PRKCD: variants seen among roughly 807,000 people sequenced by gnomAD.
PRKCD encodes protein kinase C delta type.
In PRKCD, 20 loss-of-function variants were observed where a neutral mutation model predicts 82.2. The ratio of observed to expected loss-of-function variants is 0.24; its 90% CI spans 0.17 to 0.35. The LOEUF (loss-of-function observed/expected upper bound fraction) is 0.35, where lower values mean the gene tolerates loss of function less well. Ranked by LOEUF, PRKCD falls within the 10% of genes least tolerant of loss-of-function variation. PRKCD has a pLI of 1.00. For synonymous variants in PRKCD, 317 were observed against 337.0 expected, an observed-to-expected ratio of 0.94 and a Z score of 0.65; for missense variants, 607 against 899.0, an observed-to-expected ratio of 0.68 and a Z score of 4.15.
intron 2 of PRKCD, among the ~76,000 whole-genome samples, chr3:53,166,522 C>T (rs1156835575): frequency 3.9e-5 from 6 of 152,210 alleles, no homozygotes; most frequent in African/African-American, 1.2e-4. Context: ...GTACGTGCAC[C>T]ACACATGTGG....
At position 53,192,306 on chromosome 3, in the gene PRKCD, C is replaced by T; in HGVS notation, c.*40C>T. The T allele has an allele frequency of 6.2e-7, 1 of 1,603,278 alleles. No homozygotes were observed. The highest frequency in any genetic ancestry group is 8.5e-7 in the Non-Finnish European group (1 of 1,170,880). On this transcript the variant is annotated 3_prime_UTR_variant, in exon 19 of 19. Coordinates refer to ENST00000330452, the MANE Select transcript of PRKCD (RefSeq NM_006254.4). The stretch of plus-strand genomic sequence containing the variant: ...TCAGGCTAGCCCTGCCCTCCACCCA[C>T]ACCTGCCCGCTCCCCACGATAAGCA...
chr3:53,178,771 C>T (rs1215636452), intron 3 of PRKCD, among the ~76,000 whole-genome samples: 3 of 152,232 alleles, frequency 2.0e-5, no homozygotes, highest in African/African-American at 7.2e-5. Context: ...TTCCTCCTCC[C>T]TGGTTGTTTT....
At chr3:53,191,454 A>G (rs1431910137) in intron 18 of PRKCD, among the ~76,000 whole-genome samples, 2 of 152,162 alleles carry the variant, frequency 1.3e-5, no homozygotes, top group African/African-American at 4.8e-5. Flanking sequence ...ATAGGTTCAA[A>G]TTCCATTAAA....
chr3:53,166,590 A>T (rs1553663886), intron 2 of PRKCD, among the ~76,000 whole-genome samples: 1 of 152,224 alleles, frequency 6.6e-6, no homozygotes, highest in Non-Finnish European at 1.5e-5. Context: ...ACACACACAC[A>T]GATGCTCTCC....
At chr3:53,165,373 G>A (rs185262058) in intron 2 of PRKCD, among the ~76,000 whole-genome samples, 158 bp downstream of exon 2, 21 of 152,366 alleles carry the variant, frequency 1.4e-4, no homozygotes, top group Non-Finnish European at 2.4e-4. Flanking sequence ...GCAGCTGTTT[G>A]CCCTGTCTAT....
chr3:53,163,471 C>A (rs1358840965), intron 1 of PRKCD, among the ~76,000 whole-genome samples: 1 of 151,840 alleles, frequency 6.6e-6, no homozygotes, highest in African/African-American at 2.4e-5. Context: ...GTGTTGTGAC[C>A]AAGACCTCGG....
rs560375784 is a variant in PRKCD at position 53,186,250 on chromosome 3, C to T, written c.1170C>T (p.Asp390=). The change falls in exon 13 of 19, where the codon GAC becomes GAT. Residue 390 remains aspartate (D), a synonymous_variant. Transcript: ENST00000330452. ...LKKDVVLIDD[D]VECTMVEKRV... ...AGGATGTGGTCCTGATCGACGACGA[C>T]GTGGAGTGCACCATGGTTGAGAAGC... 51 of 1,614,174 alleles carry T rather than the reference C, an allele frequency of 3.2e-5. No individual in the cohort carries two copies. Among genetic ancestry groups the T allele is most frequent in the African/African-American group, 1.5e-4 (11 of 75,050 alleles).
Position 53,178,515 on chromosome 3 carries a change from G to C in PRKCD, c.93G>C (p.Lys31Asn). 2 of 1,613,202 alleles carry C rather than the reference G, an allele frequency of 1.2e-6. No individual in the cohort carries two copies. Among genetic ancestry groups the C allele is most frequent in the Middle Eastern group, 1.8e-4 (1 of 5,680 alleles). The change falls in exon 3 of 19, where the codon AAG (lysine) becomes AAC (asparagine). Residue 31 changes from lysine to asparagine, a missense_variant. This residue lies in a region of PRKCD where 161 missense variants were observed against 227.0 expected (regional missense o/e 0.71). Transcript: ENST00000330452. ...CGAACCAGCCCTTCTGTGCCGTGAAGATGAAGGAGGCGCTCAGCACAGGTA... is the reference window on the plus strand; with the variant it reads ...CGAACCAGCCCTTCTGTGCCGTGAACATGAAGGAGGCGCTCAGCACAGGTA... ...DEANQPFCAV[K>N]MKEALSTERG...
chr3:53,189,184 C>T lies in PRKCD; in HGVS notation c.1681C>T (p.Arg561Cys). 9.3e-6 allele frequency: 15 copies of T among 1,611,528 alleles called. No homozygotes were observed. The highest frequency in any genetic ancestry group is 1.3e-5 in the African/African-American group (1 of 74,994). ...TGAGGATGAACTCTTCGAGTCCATC[C>T]GTGTGGACACGCCACATTATCCCCG... ...DDEDELFESIRVDTPHYPRWI... is the reference protein window; with the variant it reads ...DDEDELFESICVDTPHYPRWI... Residue 561 changes from arginine (R) to cysteine (C), a missense_variant, in exon 17 of 19, where the codon CGT becomes TGT. Physicochemically the swap from Arg to Cys is radical, Grantham distance 180 (BLOSUM62 -3). Coordinates refer to ENST00000330452, the MANE Select transcript of PRKCD (RefSeq NM_006254.4).
intron 9 of PRKCD, among the ~76,000 whole-genome samples, chr3:53,184,479 C>T (rs1214402693): frequency 1.3e-5 from 2 of 152,046 alleles, no homozygotes; most frequent in Non-Finnish European, 2.9e-5. Context: ...AGTTCGAGAC[C>T]AGCCTGGCTA....
intron 18 of PRKCD, 90 bp downstream of exon 18, chr3:53,190,091 C>A: frequency 6.5e-7 from 1 of 1,545,658 alleles, no homozygotes; most frequent in Non-Finnish European, 8.8e-7. Flanking sequence ...CTTTCCACCT[C>A]TCCCTTCTTC....
rs981047450 is a variant in PRKCD, at chr3:53,169,023, A to T, written c.-20+3808A>T. On this transcript the variant is annotated intron_variant, in intron 2 of 18. Transcript: ENST00000330452. This position sits in a 1 kb window ranked among gnomAD's most constrained non-coding sequence, Gnocchi z 4.7. ...AGAGGATGGAGAGCAGTCAGAAGAC[A>T]GGTGCAGAGCCTGGGGATGGTGGTG... is the stretch of plus-strand genomic sequence containing the variant. Among the ~76,000 whole-genome samples, 2 of 152,076 alleles carry T rather than the reference A, an allele frequency of 1.3e-5. No individual in the cohort carries two copies. Among genetic ancestry groups the T allele is most frequent in the Admixed American group, 6.5e-5 (1 of 15,270 alleles).
At chr3:53,165,597 CTCA>C (rs1287999571) in intron 2 of PRKCD, among the ~76,000 whole-genome samples, 1 of 152,222 alleles carries the variant, frequency 6.6e-6, no homozygotes, top group Non-Finnish European at 1.5e-5. Flanking sequence ...TCAAACTCAC[CTCA>C]TCATCACACA....
chr3:53,183,066 A>G, intron 7 of PRKCD, 55 bp from the exon 8 acceptor site: 1 of 1,578,560 alleles, frequency 6.3e-7, no homozygotes, highest in Non-Finnish European at 8.7e-7. Flanking sequence ...CAGCTCATAG[A>G]CTCTGCCCCT....
At position 53,169,104 on chromosome 3, in the gene PRKCD, C is replaced by T. The variant is rs548774860; in HGVS notation, c.-20+3889C>T. Among the ~76,000 whole-genome samples, 1,193 of 152,072 alleles carry T rather than the reference C, an allele frequency of 7.8e-3. 12 individuals are homozygous for T. The highest frequency in any genetic ancestry group is 7.6e-3 in the Non-Finnish European group (519 of 67,974). ...AGGCTGCAGCGGCAGACGGGATGGC[C>T]TTATTGTGTGGGGAGCAGGGGGAGC... On this transcript the variant is annotated intron_variant, in intron 2 of 18. Transcript: ENST00000330452. The surrounding 1 kb of genome is among the most constrained non-coding windows in gnomAD (Gnocchi z 4.7).
In PRKCD at chr3:53,169,251, AGCCAGGGAGGCAGGTGGG is replaced by A. The variant is rs1310027482; in HGVS notation, c.-20+4041_-20+4058del. ...TCTTCTGGAGTCATTCATGTGGTGA[AGCCAGGGAGGCAGGTGGG>A]GCCACAAGCCTGAAGTTCAGGAGGG... On this transcript the variant is annotated intron_variant, in intron 2 of 18. Coordinates refer to ENST00000330452, the MANE Select transcript of PRKCD (RefSeq NM_006254.4). This position sits in a 1 kb window ranked among gnomAD's most constrained non-coding sequence, Gnocchi z 4.7. Among the ~76,000 whole-genome samples, 2 of 152,026 alleles carry A rather than the reference AGCCAGGGAGGCAGGTGGG, an allele frequency of 1.3e-5. No individual in the cohort carries two copies. Among genetic ancestry groups the A allele is most frequent in the Non-Finnish European group, 1.5e-5 (1 of 67,980 alleles).
At chr3:53,189,282 TGGGCTGGGGCAG>T in intron 17 of PRKCD, 36 bp downstream of exon 17, 55 of 1,468,568 alleles carry the variant, frequency 3.7e-5, no homozygotes, top group Non-Finnish European at 4.5e-5. Context: ...TGGTCTGGGC[TGGGCTGGGGCAG>T]GGGCTGGCAG....
chr3:53,184,207 C>T (rs971538771), intron 9 of PRKCD, among the ~76,000 whole-genome samples: 3 of 151,824 alleles, frequency 2.0e-5, no homozygotes, highest in Non-Finnish European at 4.4e-5. Flanking sequence ...TGGTGGCGGG[C>T]GCCTGTAGTC....
Position 53,190,012 on chromosome 3 carries a change from C to T in PRKCD, c.1872+11C>T. On this transcript the variant is annotated intron_variant, in intron 18 of 18. Coordinates refer to ENST00000330452, the MANE Select transcript of PRKCD (RefSeq NM_006254.4). ...TTCAGGCCCAAAGTGGTATGTGATC[C>T]TGCCCTGTGCTGCCTTCAGGCTGAG... The T allele has an allele frequency of 6.2e-7, 1 of 1,613,466 alleles. No individual in the cohort carries two copies.
Sources: gnomAD v4.1 joint callset for allele counts (sites outside exome capture counted in the v4.1 genomes callset) on GRCh38, gnomAD v4.1.1 for gene constraint, gnomAD v4.1.1 regional missense constraint, Gnocchi (gnomAD v3.1) non-coding constraint, MANE v1.5 for transcripts, NCBI Gene and HGNC (gene_info 2026-07-23, HGNC 2026-07-21) for gene names.